Variants in SPICE1 observed in about 807,000 individuals in gnomAD.
SPICE1 encodes the protein spindle and centriole associated protein 1, also known as spindle and centriole-associated protein 1.
SPICE1 carries 75 observed loss-of-function variants against 102.7 expected under a neutral mutation model. The ratio of observed to expected loss-of-function variants is 0.73; its 90% CI spans 0.61 to 0.88. The LOEUF is 0.88. Among genes scored for constraint, SPICE1 ranks in the 40% least tolerant of loss-of-function variants. SPICE1 has a pLI of 0.00. For missense variants in SPICE1, 979 were observed against 1,020.1 expected, an observed-to-expected ratio of 0.96 and a Z score of 0.55; for synonymous variants, 308 against 350.3, an observed-to-expected ratio of 0.88 and a Z score of 1.35.
intron 6 of SPICE1, among the ~76,000 whole-genome samples, chr3:113,490,452 G>GGT (rs1044804416): frequency 3.3e-5 from 5 of 151,938 alleles, no homozygotes; most frequent in African/African-American, 1.2e-4. Flanking sequence ...GACCAGCTTG[G>GGT]GCAACGTGGC....
chr3:113,492,292 C>A (rs752106313), intron 6 of SPICE1, among the ~76,000 whole-genome samples: 23 of 152,028 alleles, frequency 1.5e-4, no homozygotes, highest in Non-Finnish European at 2.8e-4. Context: ...CTTGCAACTC[C>A]CTAGGAATAT....
chr3:113,473,645 G>C (rs1936263163), intron 7 of SPICE1, among the ~76,000 whole-genome samples: 1 of 151,950 alleles, frequency 6.6e-6, no homozygotes, highest in Admixed American at 6.6e-5. Flanking sequence ...CATTCTTAAA[G>C]AAAAGAATTT....
At chr3:113,475,135 C>A (rs1414481514) in intron 7 of SPICE1, among the ~76,000 whole-genome samples, 8 of 151,932 alleles carry the variant, frequency 5.3e-5, no homozygotes, top group Non-Finnish European at 8.8e-5. Flanking sequence ...ACAAACTACC[C>A]TCAGAGAATA....
chr3:113,472,649 C>T (rs1044622953), intron 7 of SPICE1, among the ~76,000 whole-genome samples: 5 of 152,218 alleles, frequency 3.3e-5, no homozygotes, highest in Admixed American at 6.5e-5. Context: ...GTTCTGCAGC[C>T]ACCGCTGCTG....
chr3:113,444,097 T>C lies in SPICE1; in HGVS notation c.*1210A>G, dbSNP rs944138131. ...TAAACACAAGTAATCTCAGTTTGAA[T>C]TGTTCACTCAGGTTGAGAATTCCTA... is the stretch of plus-strand genomic sequence containing the variant. On this transcript the variant is annotated 3_prime_UTR_variant, in exon 18 of 18. Transcript: ENST00000295872. The C allele has an allele frequency of 2.0e-5, 3 of 152,164 alleles. No homozygotes were observed. Among genetic ancestry groups the C allele is most frequent in the African/African-American group, 4.8e-5 (2 of 41,434 alleles). 9.4% of individuals were successfully genotyped at this position (152,164 alleles called of 1,614,324 possible).
intron 7 of SPICE1, among the ~76,000 whole-genome samples, chr3:113,482,558 C>G (rs1465982181): frequency 6.6e-6 from 1 of 152,200 alleles, no homozygotes; most frequent in East Asian, 1.9e-4. Context: ...ACGTTTAACT[C>G]TTTAATCCAT....
At chr3:113,491,847 C>G (rs1231926941) in intron 6 of SPICE1, among the ~76,000 whole-genome samples, 1 of 152,002 alleles carries the variant, frequency 6.6e-6, no homozygotes, top group Non-Finnish European at 1.5e-5. Context: ...TTAGTTGTAT[C>G]AGTAACATTA....
intron 13 of SPICE1, among the ~76,000 whole-genome samples, chr3:113,456,830 T>A (rs1172475439): frequency 6.6e-6 from 1 of 152,202 alleles, no homozygotes; most frequent in Non-Finnish European, 1.5e-5. Flanking sequence ...TTTGAAATGC[T>A]CCTGGACCAT....
chr3:113,468,678 G>T, intron 9 of SPICE1, 84 bp downstream of exon 9: 1 of 1,447,576 alleles, frequency 6.9e-7, no homozygotes. Flanking sequence ...TGAGATTAAG[G>T]GAGAAAAACA....
intron 1 of SPICE1, among the ~76,000 whole-genome samples, chr3:113,510,190 T>TGA (rs1415745772): frequency 1.3e-5 from 2 of 152,210 alleles, no homozygotes; most frequent in Non-Finnish European, 2.9e-5. Flanking sequence ...ATAGCCATAC[T>TGA]GGCATTTTTA....
At chr3:113,452,686 A>C (rs1038662507) in intron 14 of SPICE1, among the ~76,000 whole-genome samples, 1 of 151,740 alleles carries the variant, frequency 6.6e-6, no homozygotes, top group Non-Finnish European at 1.5e-5. Context: ...TCCATCTCAA[A>C]AAAACAAAAC....
chr3:113,448,470 A>C (rs16860995), intron 15 of SPICE1, among the ~76,000 whole-genome samples: 1,769 of 152,042 alleles, frequency 0.012, 32 homozygotes, highest in African/African-American at 0.039. Context: ...AAAAGAGCTT[A>C]CCTAAAGTTT....
At position 113,443,044 on chromosome 3, in the gene SPICE1, A is replaced by C; in HGVS notation, c.*2263T>G. On this transcript the variant is annotated 3_prime_UTR_variant, in exon 18 of 18. Transcript: ENST00000295872. ...TTGTTAATCTGAGAAAGATACAATA[A>C]ATTCACTATACAATGTCTTAAAAAT... 6.6e-6 allele frequency: 1 copy of C among 152,240 alleles called. No individual in the cohort carries two copies. Among genetic ancestry groups the C allele is most frequent in the East Asian group, 1.9e-4 (1 of 5,206 alleles). 9.4% of individuals were successfully genotyped at this position (152,240 alleles called of 1,614,324 possible). A position where few individuals can be genotyped will look rare whatever the true frequency, so the allele number is the denominator to read the frequency against.
chr3:113,455,741 C>T (rs1321460328), intron 13 of SPICE1, among the ~76,000 whole-genome samples: 2 of 152,230 alleles, frequency 1.3e-5, no homozygotes, highest in Non-Finnish European at 2.9e-5. Flanking sequence ...TACATATTCA[C>T]AAGCAGCTGT....
intron 1 of SPICE1, among the ~76,000 whole-genome samples, chr3:113,509,361 A>G (rs1301210452): frequency 3.3e-5 from 5 of 152,218 alleles, no homozygotes; most frequent in Non-Finnish European, 7.4e-5. Context: ...AAGAGTCATA[A>G]AATGTCAGTA....
At position 113,468,289 on chromosome 3, in the gene SPICE1, T is replaced by C. The variant is rs74947574; in HGVS notation, c.1005A>G (p.Lys335=). The change falls in exon 10 of 18, where the codon AAA becomes AAG. Residue 335 remains lysine, a synonymous_variant. Transcript: ENST00000295872. ...NRTNSNLDVL[K]HMIHEVEHEM... ...CATGTTCCACTTCATGTATCATGTG[T>C]TTGAGGACATCCAGGTTGGAATTAG... 1 of 1,614,038 alleles carries C rather than the reference T, an allele frequency of 6.2e-7. No individual in the cohort carries two copies. Among genetic ancestry groups the C allele is most frequent in the African/African-American group, 1.3e-5 (1 of 74,928 alleles).
intron 6 of SPICE1, among the ~76,000 whole-genome samples, chr3:113,491,000 A>G (rs980716805): frequency 1.4e-4 from 22 of 151,918 alleles, no homozygotes; most frequent in African/African-American, 4.6e-4. Flanking sequence ...TCCCTCCCCA[A>G]TCCATCTTCC....
intron 13 of SPICE1, among the ~76,000 whole-genome samples, chr3:113,456,548 G>A (rs60447765): frequency 0.014 from 2,144 of 152,252 alleles, 39 homozygotes; most frequent in African/African-American, 0.04. Context: ...TGAACCCTAA[G>A]TTAAGAATCT....
rs537738176 is a variant in SPICE1 at position 113,494,028 on chromosome 3, G to A, written c.385+21C>T. On this transcript the variant is annotated intron_variant, in intron 5 of 17. Transcript: ENST00000295872. ...GGGCTACAGTTAATAAAATAGAGAA[G>A]CTTTTGTTTGAATTGAATACCTGTG... The A allele has an allele frequency of 1.3e-4, 204 of 1,536,910 alleles. 4 individuals are homozygous for A. In the South Asian group the frequency reaches 1.7e-3, roughly 13 times the overall value.
Sources: gnomAD v4.1 joint callset for allele counts (sites outside exome capture counted in the v4.1 genomes callset) on GRCh38, gnomAD v4.1.1 for gene constraint, MANE v1.5 for transcripts, NCBI Gene and HGNC (gene_info 2026-07-23, HGNC 2026-07-21) for gene names.